Variants in TRRAP observed in about 807,000 individuals in gnomAD.
TRRAP encodes the protein transformation/transcription domain associated protein.
Under a neutral mutation model 438.8 loss-of-function variants are expected in TRRAP, and 41 were observed. The observed-to-expected ratio is 0.09, with a 90% CI of 0.07 to 0.12. The LOEUF (loss-of-function observed/expected upper bound fraction) is 0.12, where lower values mean the gene tolerates loss of function less well. TRRAP is among the 10% of genes least tolerant of loss of function. The pLI, the probability that TRRAP is intolerant of heterozygous loss-of-function variation, is 1.00. For synonymous variants in TRRAP, 1,994 were observed against 1,962.9 expected (o/e 1.02, Z -0.42); for missense variants, 3,122 against 5,055.1 (o/e 0.62, Z 11.60).
chr7:98,942,167 G>T (rs1790826075), intron 30 of TRRAP, among the ~76,000 whole-genome samples: 1 of 152,202 alleles, frequency 6.6e-6, no homozygotes, highest in South Asian at 2.1e-4. Flanking sequence ...AAAGTCTGGG[G>T]TCTCTTCCCA....
chr7:98,940,725 C>T (rs1790761280), intron 30 of TRRAP, among the ~76,000 whole-genome samples: 1 of 152,154 alleles, frequency 6.6e-6, no homozygotes, highest in Non-Finnish European at 1.5e-5. Context: ...CATCCAGCAT[C>T]CACCTGGACT....
At chr7:98,910,712 T>C (rs2116409231) in intron 16 of TRRAP, 105 bp downstream of exon 16, 2 of 934,110 alleles carry the variant, frequency 2.1e-6, no homozygotes, top group East Asian at 2.6e-5. Context: ...ATTTGGATGG[T>C]CCACAGTATT....
chr7:98,982,472 C>T (rs1213338112), intron 59 of TRRAP, among the ~76,000 whole-genome samples: 3 of 152,148 alleles, frequency 2.0e-5, no homozygotes, highest in Non-Finnish European at 4.4e-5. Context: ...TAGATTCTGC[C>T]TCAAAGGAGC....
rs782192982 is a variant in TRRAP at position 98,903,487 on chromosome 7, A to G, written c.1006A>G (p.Lys336Glu). The change falls in exon 12 of 73, where the codon AAA becomes GAA. Residue 336 changes from lysine to glutamate, a missense_variant. Coordinates refer to ENST00000456197, the MANE Select transcript of TRRAP (RefSeq NM_001375524.1). ...CAGAAAGGAGCTTCTGATTGCTGCC[A>G]AACACATCCTCACCACAGAGCTGAG... ...HLRKELLIAA[K>E]HILTTELRNQ... 2 of 1,614,184 alleles carry G rather than the reference A, an allele frequency of 1.2e-6. No individual in the cohort carries two copies. Among genetic ancestry groups the G allele is most frequent in the South Asian group, 1.1e-5 (1 of 91,088 alleles).
intron 12 of TRRAP, among the ~76,000 whole-genome samples, chr7:98,904,867 T>A (rs1554407264): frequency 6.6e-6 from 1 of 152,236 alleles, no homozygotes; most frequent in African/African-American, 2.4e-5. Context: ...TAACTGTGTG[T>A]TACAGTTAAA....
chr7:99,008,845 A>G (rs1332092264), intron 70 of TRRAP, among the ~76,000 whole-genome samples: 1 of 152,178 alleles, frequency 6.6e-6, no homozygotes, highest in African/African-American at 2.4e-5. Flanking sequence ...AGAAGCGCCG[A>G]AATTAGAATT....
intron 18 of TRRAP, among the ~76,000 whole-genome samples, chr7:98,915,097 A>AAGTCTTCCAAAACGCTAT: frequency 6.6e-6 from 1 of 152,330 alleles, no homozygotes; most frequent in Middle Eastern, 3.4e-3. Context: ...TTTTCCAATT[A>AAGTCTTCCAAAACGCTAT]AGTCTTCCAA....
intron 67 of TRRAP, among the ~76,000 whole-genome samples, chr7:99,002,734 A>G (rs1793988912): frequency 6.6e-6 from 1 of 152,050 alleles, no homozygotes; most frequent in Non-Finnish European, 1.5e-5. Context: ...AAAAAAAAAC[A>G]CACACACACA....
chr7:98,953,452 C>G lies in TRRAP; in HGVS notation c.5730+19C>G. On this transcript the variant is annotated intron_variant, in intron 40 of 72. Coordinates refer to ENST00000456197, the MANE Select transcript of TRRAP (RefSeq NM_001375524.1). ...CCTGCAGGTATTTTGCAAGCCCCTC[C>G]TGTCCGCCGACATCAGCGTGAATCT... 1 of 1,602,870 alleles carries G rather than the reference C, an allele frequency of 6.2e-7. No individual in the cohort carries two copies. The highest frequency in any genetic ancestry group is 1.7e-5 in the Admixed American group (1 of 59,990).
chr7:99,004,518 A>T, intron 68 of TRRAP, 103 bp downstream of exon 68: 1 of 955,784 alleles, frequency 1.0e-6, no homozygotes, highest in Non-Finnish European at 1.6e-6. Flanking sequence ...TTGGACACAG[A>T]TTCCCTGACA....
intron 8 of TRRAP, 117 bp from the exon 9 acceptor site, chr7:98,899,305 G>C (rs1554406265): frequency 3.8e-6 from 3 of 783,416 alleles, no homozygotes; most frequent in East Asian, 4.9e-5. Context: ...TATTTACAAA[G>C]AGGTGTCACT....
rs575900716 is a variant in TRRAP, at chr7:99,008,014, C to T, written c.10754-363C>T. 7.6e-4 allele frequency among the ~76,000 whole-genome samples: 115 copies of T among 151,518 alleles called. 1 individual carries two copies. Among genetic ancestry groups the T allele is most frequent in the African/African-American group, 2.3e-3 (94 of 41,332 alleles). Reference sequence around the variant, plus strand: ...CTAATTTTTGTATTTTTAGTAGAGACGAGGTTTCACCATGTTGACCAGGAT... The same window carrying T: ...CTAATTTTTGTATTTTTAGTAGAGATGAGGTTTCACCATGTTGACCAGGAT... On this transcript the variant is annotated intron_variant, in intron 69 of 72. Coordinates refer to ENST00000456197, the MANE Select transcript of TRRAP (RefSeq NM_001375524.1).
rs993552613 is a variant in TRRAP, at chr7:99,005,255, C to A, written c.10660C>A (p.Arg3554=). The change falls in exon 69 of 73, where the codon CGG becomes AGG. Residue 3554 remains arginine (R), a synonymous_variant. Coordinates refer to ENST00000456197, the MANE Select transcript of TRRAP (RefSeq NM_001375524.1). The surrounding 1 kb of genome is among the most constrained non-coding windows in gnomAD (Gnocchi z 5.1). ...VMNDACLTES[R]REERVLQLLR... ...GAACGACGCCTGCCTCACAGAGTCA[C>A]GGCGAGAGGAGCGTGTGTTGCAGCT... The A allele has an allele frequency of 1.2e-6, 2 of 1,614,052 alleles. No homozygotes were observed. The highest frequency in any genetic ancestry group is 2.7e-5 in the African/African-American group (2 of 74,934).
chr7:98,946,929 C>G (rs782602521), intron 33 of TRRAP, among the ~76,000 whole-genome samples: 3 of 152,256 alleles, frequency 2.0e-5, no homozygotes, highest in Admixed American at 6.5e-5. Flanking sequence ...CTTGCAGATT[C>G]TGGGGAAGAG....
chr7:98,933,480 G>A, intron 27 of TRRAP, 78 bp downstream of exon 27: 1 of 1,515,888 alleles, frequency 6.6e-7, no homozygotes, highest in Non-Finnish European at 8.8e-7. Context: ...GCGAAGACTG[G>A]TCAGGCAGCA....
rs960634925 is a variant in TRRAP, at chr7:98,977,794, G to A, written c.8386-417G>A. Among the ~76,000 whole-genome samples, 12 of 152,318 alleles carry A rather than the reference G, an allele frequency of 7.9e-5. No homozygotes were observed. In the South Asian group the frequency reaches 8.3e-4, roughly 11 times the overall value. ...GATGTGGCCTTGCGGCTCCTGCTCC[G>A]ATTACTAAAGGATGGAGAAAGTAAT... On this transcript the variant is annotated intron_variant, in intron 56 of 72. Transcript: ENST00000456197.
At chr7:98,925,397 C>T in intron 22 of TRRAP, 134 bp downstream of exon 22, 2 of 1,274,612 alleles carry the variant, frequency 1.6e-6, no homozygotes, top group South Asian at 1.5e-5. Flanking sequence ...TATCTACCTA[C>T]TCCTTCTTGT....
At chr7:98,926,748 T>C (rs1461883048) in intron 22 of TRRAP, among the ~76,000 whole-genome samples, 1 of 151,884 alleles carries the variant, frequency 6.6e-6, no homozygotes. Flanking sequence ...AAACGTGCTG[T>C]AATCCCAGCA....
In TRRAP at chr7:98,975,335, G is replaced by A. The variant is rs371645795; in HGVS notation, c.7840-814G>A. On this transcript the variant is annotated intron_variant, in intron 53 of 72. Transcript: ENST00000456197. ...ATCATGTCCCTGGCACTCTGCCACC[G>A]TGCCAGGGCAGCAGGGACAGTGTGG... Among the ~76,000 whole-genome samples the A allele has an allele frequency of 1.6e-4, 25 of 152,330 alleles. 1 individual carries two copies. Among genetic ancestry groups the A allele is most frequent in the East Asian group, 1.2e-3 (6 of 5,186 alleles).
Sources: gnomAD v4.1 joint callset for allele counts (sites outside exome capture counted in the v4.1 genomes callset) on GRCh38, gnomAD v4.1.1 for gene constraint, Gnocchi (gnomAD v3.1) non-coding constraint, MANE v1.5 for transcripts, NCBI Gene and HGNC (gene_info 2026-07-23, HGNC 2026-07-21) for gene names.